TMEM65: variants seen among roughly 807,000 people sequenced by gnomAD.
TMEM65 encodes transmembrane protein 65.
TMEM65 carries 22 observed loss-of-function variants against 25.4 expected under a neutral mutation model. That is an observed-to-expected ratio of 0.86 (90% CI 0.62 to 1.23). The LOEUF (loss-of-function observed/expected upper bound fraction) is 1.23. TMEM65 is among the 50% of genes most tolerant of loss of function. The probability of loss-of-function intolerance (pLI) is 0.00; values close to 1 mark genes in which losing one functional copy is unlikely to be tolerated. For synonymous variants in TMEM65, 132 were observed against 126.2 expected, an observed-to-expected ratio of 1.05 and a Z score of -0.31; for missense variants, 262 against 308.2, an observed-to-expected ratio of 0.85 and a Z score of 1.12.
chr8:124,348,929 A>T (rs1814674067), intron 1 of TMEM65, among the ~76,000 whole-genome samples: 1 of 152,194 alleles, frequency 6.6e-6, no homozygotes, highest in Non-Finnish European at 1.5e-5. Context: ...ACCAGCATTA[A>T]GGAATCTAAA....
At chr8:124,363,819 A>G (rs1814902893) in intron 1 of TMEM65, among the ~76,000 whole-genome samples, 1 of 134,274 alleles carries the variant, frequency 7.4e-6, no homozygotes, top group Non-Finnish European at 1.6e-5. Context: ...CCAGGGCGAC[A>G]GAGCGAGACT....
At chr8:124,364,517 T>C (rs1215517656) in intron 1 of TMEM65, among the ~76,000 whole-genome samples, 1 of 152,210 alleles carries the variant, frequency 6.6e-6, no homozygotes, top group Admixed American at 6.5e-5. Context: ...AAACTTATTG[T>C]ATTAAAATAT....
At chr8:124,338,458 G>T (rs1294825561) in intron 1 of TMEM65, among the ~76,000 whole-genome samples, 1 of 151,992 alleles carries the variant, frequency 6.6e-6, no homozygotes, top group Non-Finnish European at 1.5e-5. Context: ...CGCAGACAAA[G>T]TATGTCAAGT....
intron 1 of TMEM65, among the ~76,000 whole-genome samples, chr8:124,366,921 T>C (rs879620098): frequency 3.9e-5 from 6 of 152,202 alleles, no homozygotes; most frequent in African/African-American, 7.2e-5. Context: ...ACTCAACTTA[T>C]AGAAGCCCAT....
intron 6 of TMEM65, 72 bp from the exon 7 acceptor site, chr8:124,314,133 A>C: frequency 5.0e-6 from 6 of 1,189,432 alleles, no homozygotes; most frequent in Non-Finnish European, 7.4e-6. Context: ...AAAAAATCTC[A>C]CCAGCTCTTC....
intron 1 of TMEM65, among the ~76,000 whole-genome samples, chr8:124,333,733 G>A (rs529387902): frequency 3.3e-5 from 5 of 152,242 alleles, no homozygotes; most frequent in Middle Eastern, 3.4e-3. Context: ...GGTTGATCTA[G>A]AGGGGAATCA....
chr8:124,325,392 T>C (rs1814355744), intron 3 of TMEM65, among the ~76,000 whole-genome samples: 1 of 152,008 alleles, frequency 6.6e-6, no homozygotes, highest in Admixed American at 6.6e-5. Flanking sequence ...CAGCATTCTA[T>C]ATAACGAAGC....
chr8:124,321,294 AAAAT>A (rs2131196903), intron 5 of TMEM65, among the ~76,000 whole-genome samples: 1 of 152,326 alleles, frequency 6.6e-6, no homozygotes, highest in Non-Finnish European at 1.5e-5. Flanking sequence ...CTTCTAAGAA[AAAAT>A]TCAAATCTGA....
intron 1 of TMEM65, among the ~76,000 whole-genome samples, chr8:124,348,227 G>A (rs943737127): frequency 4.0e-5 from 6 of 151,770 alleles, no homozygotes; most frequent in Admixed American, 6.6e-5. Context: ...GATTACAGGC[G>A]TGAGCCACCG....
intron 1 of TMEM65, among the ~76,000 whole-genome samples, chr8:124,366,727 T>TTGA (rs71720793): frequency 6.6e-4 from 99 of 150,790 alleles, no homozygotes; most frequent in Middle Eastern, 3.4e-3. Flanking sequence ...AAAAAAAAAC[T>TTGA]TTACTTGATT....
chr8:124,337,046 T>A (rs926645756), intron 1 of TMEM65, among the ~76,000 whole-genome samples: 1 of 151,764 alleles, frequency 6.6e-6, no homozygotes, highest in Non-Finnish European at 1.5e-5. Flanking sequence ...TTGAAAAATA[T>A]AACCTACCAA....
rs757775203 is a variant in TMEM65 at position 124,371,987 on chromosome 8, G to A, written c.171C>T (p.His57=). 20 of 1,434,436 alleles carry A rather than the reference G, an allele frequency of 1.4e-5. No individual in the cohort carries two copies. The South Asian group carries it at 2.7e-4, about 19-fold the overall frequency. 88.9% of individuals were successfully genotyped at this position (1,434,436 alleles called of 1,614,324 possible). A position where few individuals can be genotyped will look rare whatever the true frequency, so the allele number is the denominator to read the frequency against. ...GCGCCTCCATGGGCTCCTTCTTGGG[G>A]TGCGTGCCCAGCCGCCTGGGGCCGC... The part of the protein sequence containing the change: ...LPGGPRRLGT[H]PKKEPMEALN... The change falls in exon 1 of 7, where the codon CAC becomes CAT. Residue 57 remains histidine (H), a synonymous_variant. Coordinates refer to ENST00000297632, the MANE Select transcript of TMEM65 (RefSeq NM_194291.3).
At chr8:124,369,326 T>A (rs1432537274) in intron 1 of TMEM65, among the ~76,000 whole-genome samples, 1 of 152,216 alleles carries the variant, frequency 6.6e-6, no homozygotes, top group African/African-American at 2.4e-5. Context: ...ACAGATTATA[T>A]CACATGCCTA....
At chr8:124,334,775 A>G (rs1814484785) in intron 1 of TMEM65, among the ~76,000 whole-genome samples, 1 of 150,528 alleles carries the variant, frequency 6.6e-6, no homozygotes, top group South Asian at 2.1e-4. Flanking sequence ...AAAAAAAAAA[A>G]AAAAAAAGAA....
rs1006085077 is a variant in TMEM65 at position 124,309,383 on chromosome 8, G to A, written c.*4577C>T. 1 of 152,184 alleles carries A rather than the reference G, an allele frequency of 6.6e-6. No homozygotes were observed. Among genetic ancestry groups the A allele is most frequent in the Non-Finnish European group, 1.5e-5 (1 of 68,040 alleles). 9.4% of individuals were successfully genotyped at this position (152,184 alleles called of 1,614,324 possible). The stretch of plus-strand genomic sequence containing the variant: ...ACAGACTTTTTTGAATTCTAGGGTT[G>A]CTTCCCCACACTTCTGTGCCATTTT... On this transcript the variant is annotated 3_prime_UTR_variant, in exon 7 of 7. Transcript: ENST00000297632.
Position 124,311,856 on chromosome 8 carries a change from T to G in TMEM65, c.*2104A>C, listed in dbSNP as rs1220657149. On this transcript the variant is annotated 3_prime_UTR_variant, in exon 7 of 7. Coordinates refer to ENST00000297632, the MANE Select transcript of TMEM65 (RefSeq NM_194291.3). ...CCCATAAATTAAAATTATCTTTCAA[T>G]GTGAAGGTTATATATTTTGACACCT... 6.6e-6 allele frequency: 1 copy of G among 152,432 alleles called. No individual in the cohort carries two copies. The highest frequency in any genetic ancestry group is 2.4e-5 in the African/African-American group (1 of 41,446). 9.4% of individuals were successfully genotyped at this position (152,432 alleles called of 1,614,324 possible).
chr8:124,350,441 AC>A (rs1394582458), intron 1 of TMEM65, among the ~76,000 whole-genome samples: 4 of 146,262 alleles, frequency 2.7e-5, no homozygotes, highest in African/African-American at 1.0e-4. Flanking sequence ...TTCATAACAT[AC>A]CCCTACACTC....
At chr8:124,344,887 G>A (rs949709398) in intron 1 of TMEM65, among the ~76,000 whole-genome samples, 1 of 152,018 alleles carries the variant, frequency 6.6e-6, no homozygotes, top group African/African-American at 2.4e-5. Context: ...GAACATAAAC[G>A]TTCAGCTTAC....
chr8:124,336,934 G>C (rs1814515407), intron 1 of TMEM65, among the ~76,000 whole-genome samples: 1 of 151,788 alleles, frequency 6.6e-6, no homozygotes. Context: ...AGGAATGAAA[G>C]AAGGGGCATC....
Sources: gnomAD v4.1 joint callset for allele counts (sites outside exome capture counted in the v4.1 genomes callset) on GRCh38, gnomAD v4.1.1 for gene constraint, MANE v1.5 for transcripts, NCBI Gene and HGNC (gene_info 2026-07-23, HGNC 2026-07-21) for gene names.